The following REST variants were observed in gnomAD, a reference collection of about 807,000 sequenced individuals.
REST encodes RE1 silencing transcription factor.
Under a neutral mutation model 30.4 loss-of-function variants are expected in REST, and 1 was observed. That is an observed-to-expected ratio of 0.03 (90% CI 0.01 to 0.16). REST has a LOEUF of 0.16. Ranked by LOEUF, REST falls within the 10% of genes least tolerant of loss-of-function variation. The pLI is 1.00. For missense variants in REST, 1,259 were observed against 1,329.5 expected (o/e 0.95, Z 0.82); for synonymous variants, 504 against 451.1 (o/e 1.12, Z -1.49).
intron 2 of REST, among the ~76,000 whole-genome samples, chr4:56,913,266 C>T (rs1025941555): frequency 6.6e-6 from 1 of 152,096 alleles, no homozygotes; most frequent in Non-Finnish European, 1.5e-5. Flanking sequence ...TTCAGGCAGT[C>T]CTCCCATCTC....
At chr4:56,913,945 GT>G (rs892846363) in intron 2 of REST, among the ~76,000 whole-genome samples, 5 of 146,354 alleles carry the variant, frequency 3.4e-5, no homozygotes, top group African/African-American at 7.5e-5. Context: ...CGCCTGGCCA[GT>G]TTTTTTTTTG....
At chr4:56,922,774 C>G (rs1356939615) in intron 3 of REST, among the ~76,000 whole-genome samples, 1 of 152,000 alleles carries the variant, frequency 6.6e-6, no homozygotes, top group Non-Finnish European at 1.5e-5. Context: ...CACTTGTTTT[C>G]TCATGGTGTC....
chr4:56,927,257 A>G (rs73818665), intron 3 of REST, among the ~76,000 whole-genome samples: 7,292 of 152,242 alleles, frequency 0.048, 629 homozygotes, highest in African/African-American at 0.17. Context: ...TCTACATTCT[A>G]TGTCCACGTA....
At position 56,932,882 on chromosome 4, in the gene REST, TATATGC is replaced by T. The variant is rs1294051589; in HGVS notation, c.*733_*738del. The T allele has an allele frequency of 6.6e-6, 1 of 152,156 alleles. No individual in the cohort carries two copies. 9.4% of individuals were successfully genotyped at this position (152,156 alleles called of 1,614,324 possible). On this transcript the variant is annotated 3_prime_UTR_variant, in exon 4 of 4. Coordinates refer to ENST00000309042, the MANE Select transcript of REST (RefSeq NM_005612.5). Reference sequence around the variant, plus strand: ...TGAACAGTAACACTTTATACATATATATATGCATGTTTATTTTGTTTGGCGTCTTTG... The same window carrying T: ...TGAACAGTAACACTTTATACATATATATGTTTATTTTGTTTGGCGTCTTTG...
In REST at chr4:56,917,036, TTG is replaced by T. The variant is rs1412598885; in HGVS notation, c.899-2748_899-2747del. 2.7e-5 allele frequency among the ~76,000 whole-genome samples: 4 copies of T among 150,584 alleles called. No individual in the cohort carries two copies. In the East Asian group the frequency reaches 5.8e-4, roughly 22 times the overall value. ...GCAATAATACTGTTAACATCTGTCT[TTG>T]TGATTACAGCTATCTTAGTGGATAT... On this transcript the variant is annotated intron_variant, in intron 2 of 3. Transcript: ENST00000309042.
At chr4:56,923,133 A>G (rs750269706) in intron 3 of REST, among the ~76,000 whole-genome samples, 1 of 152,246 alleles carries the variant, frequency 6.6e-6, no homozygotes, top group Non-Finnish European at 1.5e-5. Flanking sequence ...ATGGTGTCTT[A>G]AAAACTAGTA....
chr4:56,919,937 A>G, intron 3 of REST, 67 bp downstream of exon 3: 1 of 729,782 alleles, frequency 1.4e-6, no homozygotes, highest in Admixed American at 2.4e-5. Context: ...ATTCTTTTAG[A>G]CTTGTAACCG....
In REST at chr4:56,931,991, A is replaced by G. The variant is rs1248852548; in HGVS notation, c.3133A>G (p.Lys1045Glu). 6.2e-7 allele frequency: 1 copy of G among 1,614,236 alleles called. No homozygotes were observed. ...ARPVPQESSR[K>E]NAKEALAVKA... Reference sequence around the variant, plus strand: ...GCCAGTTCCACAAGAATCTAGCAGAAAAAATGCAAAGGAAGCCTTGGCAGT... The same window carrying G: ...GCCAGTTCCACAAGAATCTAGCAGAGAAAATGCAAAGGAAGCCTTGGCAGT... Residue 1045 changes from lysine (K) to glutamate (E), a missense_variant, in exon 4 of 4, where the codon AAA becomes GAA. Lys to Glu is a moderately conservative substitution (Grantham distance 56, BLOSUM62 1). Transcript: ENST00000309042.
chr4:56,929,760 TTTACA>T, intron 3 of REST, 76 bp from the exon 4 acceptor site: 1 of 1,266,168 alleles, frequency 7.9e-7, no homozygotes, highest in Non-Finnish European at 1.1e-6. Context: ...TTGTTGTTAC[TTTACA>T]TATACAGTTC....
At chr4:56,920,079 C>A in intron 3 of REST, 1 of 364,844 alleles carries the variant, frequency 2.7e-6, no homozygotes, top group Non-Finnish European at 4.9e-6. Flanking sequence ...TTTGTGTACA[C>A]TTTTTCTGGG....
At position 56,930,276 on chromosome 4, in the gene REST, T is replaced by A; in HGVS notation, c.1418T>A (p.Val473Asp). 6.2e-7 allele frequency: 1 copy of A among 1,613,148 alleles called. No individual in the cohort carries two copies. Among genetic ancestry groups the A allele is most frequent in the Non-Finnish European group, 8.5e-7 (1 of 1,179,866 alleles). Residue 473 changes from valine to aspartate, a missense_variant, in exon 4 of 4, where the codon GTC (valine) becomes GAC (aspartate). By Grantham distance (152) the Val-to-Asp change is radical (BLOSUM62 -3). Around this residue, in one of 5 missense-constraint regions of REST, gnomAD observed 856 missense variants for 772.8 expected, o/e 1.11. Coordinates refer to ENST00000309042, the MANE Select transcript of REST (RefSeq NM_005612.5). ...EKSVKAEKRD[V>D]SKEKKPSNNV... Reference sequence around the variant, plus strand: ...TCCGTCAAAGCAGAGAAAAGAGATGTCTCAAAAGAGAAAAAGCCTTCTAAT... The same window carrying A: ...TCCGTCAAAGCAGAGAAAAGAGATGACTCAAAAGAGAAAAAGCCTTCTAAT...
intron 2 of REST, among the ~76,000 whole-genome samples, chr4:56,918,707 T>G (rs930064034): frequency 6.6e-6 from 1 of 152,050 alleles, no homozygotes; most frequent in Non-Finnish European, 1.5e-5. Flanking sequence ...GGTCTCACTT[T>G]CACCCAGGCT....
chr4:56,912,545 G>C (rs1719982005), intron 2 of REST, among the ~76,000 whole-genome samples: 1 of 151,366 alleles, frequency 6.6e-6, no homozygotes, highest in African/African-American at 2.4e-5. Context: ...GACGGAGTCT[G>C]GCTCTGTTGT....
chr4:56,930,930 T>C lies in REST; in HGVS notation c.2072T>C (p.Met691Thr), dbSNP rs776575945. ...VLAHMELPPP[M>T]ETAQTEVAQM... Reference sequence around the variant, plus strand: ...GCTCACATGGAGCTGCCTCCTCCCATGGAGACTGCTCAGACGGAGGTTGCC... The same window carrying C: ...GCTCACATGGAGCTGCCTCCTCCCACGGAGACTGCTCAGACGGAGGTTGCC... The change falls in exon 4 of 4, where the codon ATG becomes ACG. Residue 691 changes from methionine to threonine, a missense_variant. Coordinates refer to ENST00000309042, the MANE Select transcript of REST (RefSeq NM_005612.5). The C allele has an allele frequency of 1.9e-6, 3 of 1,612,510 alleles. 1 individual carries two copies. Among genetic ancestry groups the C allele is most frequent in the South Asian group, 2.2e-5 (2 of 90,998 alleles).
At chr4:56,925,141 G>A (rs1293311732) in intron 3 of REST, among the ~76,000 whole-genome samples, 1 of 149,744 alleles carries the variant, frequency 6.7e-6, no homozygotes, top group Non-Finnish European at 1.5e-5. Context: ...CTCCAGCCTG[G>A]GCAGCTGAGC....
rs569217471 is a variant in REST, at chr4:56,911,187, T to C, written c.549T>C (p.Ala183=). The change falls in exon 2 of 4, where the codon GCT becomes GCC. Residue 183 remains alanine (A), a synonymous_variant. Transcript: ENST00000309042. ...QFVHHIRVHS[A]KKFFVEESAE... is the part of the protein sequence containing the mutation. ...TGCATCACATCAGAGTTCACAGTGC[T>C]AAGAAATTTTTTGTGGAAGAGAGTG... is the stretch of plus-strand genomic sequence containing the variant. 73 of 1,614,190 alleles carry C rather than the reference T, an allele frequency of 4.5e-5. No individual in the cohort carries two copies. In the South Asian group the frequency reaches 7.6e-4, roughly 17 times the overall value.
At chr4:56,925,247 T>A (rs1432027045) in intron 3 of REST, among the ~76,000 whole-genome samples, 1 of 152,184 alleles carries the variant, frequency 6.6e-6, no homozygotes, top group Non-Finnish European at 1.5e-5. Flanking sequence ...GGAATTAATT[T>A]AAAAACTTAA....
At chr4:56,927,509 C>A (rs571430669) in intron 3 of REST, 3 of 310,396 alleles carry the variant, frequency 9.7e-6, no homozygotes, top group Non-Finnish European at 1.5e-5. Flanking sequence ...CTGAGTTTTG[C>A]TTTATGAAAA....
At chr4:56,916,919 T>C (rs1462511567) in intron 2 of REST, among the ~76,000 whole-genome samples, 1 of 152,230 alleles carries the variant, frequency 6.6e-6, no homozygotes, top group African/African-American at 2.4e-5. Context: ...TAGCAACATT[T>C]TGGGTAATTG....
Sources: allele counts gnomAD v4.1 joint callset (sites outside exome capture counted in the v4.1 genomes callset), GRCh38; gene constraint gnomAD v4.1.1; regional missense constraint gnomAD v4.1.1; transcripts MANE v1.5; gene names NCBI Gene and HGNC (gene_info 2026-07-23, HGNC 2026-07-21).